PRKD1: variants seen among roughly 807,000 people sequenced by gnomAD.
PRKD1 encodes the protein protein kinase D1.
Under a neutral mutation model 95.9 loss-of-function variants are expected in PRKD1, and 63 were observed. That is an observed-to-expected ratio of 0.66 (90% CI 0.54 to 0.81). PRKD1 has a LOEUF of 0.81. Ranked by LOEUF, PRKD1 falls within the 30% of genes least tolerant of loss-of-function variation. PRKD1 has a pLI of 0.00. For synonymous variants in PRKD1, 425 were observed against 423.1 expected (o/e 1.00, Z -0.05); for missense variants, 1,048 against 1,165.3 (o/e 0.90, Z 1.47).
intron 13 of PRKD1, among the ~76,000 whole-genome samples, chr14:29,618,060 C>T (rs979409648): frequency 6.6e-6 from 1 of 151,942 alleles, no homozygotes; most frequent in Non-Finnish European, 1.5e-5. Context: ...GAGTAAGACC[C>T]CTTCTCCCAA....
intron 1 of PRKD1, among the ~76,000 whole-genome samples, chr14:29,919,780 C>T (rs1479263750): frequency 9.3e-5 from 14 of 150,074 alleles, no homozygotes; most frequent in Non-Finnish European, 4.4e-5. Context: ...ATCCTGGCAA[C>T]ATGGCAAAAC....
intron 1 of PRKD1, among the ~76,000 whole-genome samples, chr14:29,731,196 T>A (rs972189744): frequency 2.0e-5 from 3 of 152,210 alleles, no homozygotes; most frequent in Non-Finnish European, 2.9e-5. Context: ...AATTTCTCTT[T>A]AACCCATGGG....
At chr14:29,592,311 C>T (rs1008193548) in intron 16 of PRKD1, among the ~76,000 whole-genome samples, 4 of 152,014 alleles carry the variant, frequency 2.6e-5, no homozygotes, top group African/African-American at 7.2e-5. Flanking sequence ...GCTAGACTCT[C>T]CTTTTGTGCA....
intron 1 of PRKD1, among the ~76,000 whole-genome samples, chr14:29,792,471 T>C (rs1210576989): frequency 2.0e-5 from 3 of 152,128 alleles, no homozygotes; most frequent in Non-Finnish European, 2.9e-5. Flanking sequence ...TTGTCTCAAA[T>C]GTTGTTACAA....
intron 2 of PRKD1, among the ~76,000 whole-genome samples, chr14:29,684,568 T>C (rs1472734574): frequency 6.6e-6 from 1 of 152,228 alleles, no homozygotes; most frequent in East Asian, 1.9e-4. Context: ...AATATTTGTT[T>C]TGAATCAACT....
At chr14:29,795,579 G>A (rs1417923305) in intron 1 of PRKD1, among the ~76,000 whole-genome samples, 1 of 151,996 alleles carries the variant, frequency 6.6e-6, no homozygotes, top group South Asian at 2.1e-4. Flanking sequence ...TGACTCTTAA[G>A]GTTGAAATGA....
chr14:29,699,707 T>C (rs968100774), intron 2 of PRKD1, among the ~76,000 whole-genome samples: 3 of 152,182 alleles, frequency 2.0e-5, no homozygotes, highest in African/African-American at 7.2e-5. Flanking sequence ...CTTTGTTTCT[T>C]AGTTCTTAAC....
chr14:29,803,347 C>T (rs1246826472), intron 1 of PRKD1, among the ~76,000 whole-genome samples: 1 of 152,100 alleles, frequency 6.6e-6, no homozygotes, highest in Non-Finnish European at 1.5e-5. Context: ...TAAACTATGA[C>T]CATTTTGGGG....
intron 1 of PRKD1, among the ~76,000 whole-genome samples, chr14:29,801,902 G>T (rs1890048433): frequency 6.6e-6 from 1 of 152,138 alleles, no homozygotes; most frequent in African/African-American, 2.4e-5. Flanking sequence ...TGGTCAGGCT[G>T]GTCTCAAACT....
chr14:29,598,800 G>T (rs1305439387), intron 15 of PRKD1, among the ~76,000 whole-genome samples: 1 of 152,204 alleles, frequency 6.6e-6, no homozygotes, highest in East Asian at 1.9e-4. Flanking sequence ...TTCCGGAAAA[G>T]CCAAAAGGCA....
At chr14:29,608,754 C>A (rs1174155208) in intron 13 of PRKD1, among the ~76,000 whole-genome samples, 1 of 152,132 alleles carries the variant, frequency 6.6e-6, no homozygotes, top group Non-Finnish European at 1.5e-5. Context: ...CATGAAAATT[C>A]TCCTGCTCTA....
chr14:29,597,377 G>A, intron 16 of PRKD1, 114 bp downstream of exon 16: 3 of 1,116,628 alleles, frequency 2.7e-6, no homozygotes, highest in Non-Finnish European at 3.6e-6. Flanking sequence ...CACTCTGGTG[G>A]GCACTTTACA....
intron 1 of PRKD1, among the ~76,000 whole-genome samples, chr14:29,807,053 ATACTT>A (rs1363981474): frequency 1.3e-5 from 2 of 152,172 alleles, no homozygotes; most frequent in Non-Finnish European, 2.9e-5. Context: ...GAAAAAAAAA[ATACTT>A]TATTGCTAAA....
intron 1 of PRKD1, among the ~76,000 whole-genome samples, 175 bp downstream of exon 1, chr14:29,927,074 A>C (rs1471968305): frequency 6.6e-6 from 1 of 152,004 alleles, no homozygotes; most frequent in African/African-American, 2.4e-5. Flanking sequence ...CAGCGAGCGC[A>C]GCGCCTCGGG....
chr14:29,639,008 A>G, intron 4 of PRKD1, 104 bp from the exon 5 acceptor site: 2 of 820,236 alleles, frequency 2.4e-6, no homozygotes, highest in Non-Finnish European at 1.9e-6. Flanking sequence ...TAGTACTTTG[A>G]TGTTTAATAA....
chr14:29,791,976 G>T (rs1214534696), intron 1 of PRKD1, among the ~76,000 whole-genome samples: 1 of 152,016 alleles, frequency 6.6e-6, no homozygotes, highest in Admixed American at 6.6e-5. Context: ...GAAACTTCCA[G>T]TTCCTTCAGA....
chr14:29,729,244 C>T (rs556247272), intron 1 of PRKD1, among the ~76,000 whole-genome samples: 1 of 152,180 alleles, frequency 6.6e-6, no homozygotes, highest in African/African-American at 2.4e-5. Context: ...TTTGTACAGA[C>T]TTGGTATTAT....
chr14:29,906,808 A>T (rs538610970), intron 1 of PRKD1, among the ~76,000 whole-genome samples: 1 of 152,272 alleles, frequency 6.6e-6, no homozygotes, highest in African/African-American at 2.4e-5. Flanking sequence ...AAAAACAAAC[A>T]ATGACAAAGA....
chr14:29,846,062 AC>A (rs1241924486), intron 1 of PRKD1, among the ~76,000 whole-genome samples: 1 of 152,172 alleles, frequency 6.6e-6, no homozygotes, highest in Non-Finnish European at 1.5e-5. Context: ...TACATGTTAT[AC>A]CCAACCAGTA....
Sources: gnomAD v4.1 joint callset for allele counts (sites outside exome capture counted in the v4.1 genomes callset) on GRCh38, gnomAD v4.1.1 for gene constraint, MANE v1.5 for transcripts, NCBI Gene and HGNC (gene_info 2026-07-23, HGNC 2026-07-21) for gene names.